The following ZNF738 variants were observed in gnomAD, a reference collection of about 807,000 sequenced individuals.
ZNF738 encodes the protein zinc finger protein 738.
A neutral mutation model predicts 9.2 loss-of-function variants in ZNF738; 10 were observed. The ratio of observed to expected loss-of-function variants is 1.09; its 90% CI spans 0.67 to 1.85. The LOEUF (loss-of-function observed/expected upper bound fraction) is 1.85. Among genes scored for constraint, ZNF738 ranks in the 40% most tolerant of loss-of-function variants. ZNF738 has a pLI of 0.00. For synonymous variants in ZNF738, 113 were observed against 94.5 expected (o/e 1.20, Z -1.14); for missense variants, 346 against 283.6 (o/e 1.22, Z -1.58).
At chr19:21,381,231 A>C in intron 4 of ZNF738, 1 of 1,557,244 alleles carries the variant, frequency 6.4e-7, no homozygotes, top group South Asian at 1.2e-5. Context: ...CAAATATTAA[A>C]GCTTTCTCTA....
chr19:21,363,160 T>G (rs766857941), intron 2 of ZNF738, among the ~76,000 whole-genome samples: 1 of 152,240 alleles, frequency 6.6e-6, no homozygotes, highest in Non-Finnish European at 1.5e-5. Flanking sequence ...ATAGAAATAC[T>G]TTTGCTTTTC....
intron 4 of ZNF738, chr19:21,377,316 A>G: frequency 1.8e-6 from 1 of 559,214 alleles, no homozygotes; most frequent in Non-Finnish European, 3.2e-6. Flanking sequence ...AAAAAAAAAA[A>G]AAATTGTATT....
At position 21,385,646 on chromosome 19, in the gene ZNF738, C is replaced by G. The variant is rs1342522103; in HGVS notation, c.*1972C>G. On this transcript the variant is annotated 3_prime_UTR_variant, in exon 5 of 5. Transcript: ENST00000683779. ...GCTTTTAACTGGTACTCATGCCTTA[C>G]TGCACATAAGATAATTCATACTGGA... 6.6e-6 allele frequency among the ~76,000 whole-genome samples: 1 copy of G among 152,130 alleles called. No homozygotes were observed. The highest frequency in any genetic ancestry group is 2.4e-5 in the African/African-American group (1 of 41,412).
chr19:21,380,871 G>T (rs192956515), intron 4 of ZNF738, among the ~76,000 whole-genome samples: 1 of 152,136 alleles, frequency 6.6e-6, no homozygotes. Context: ...TGCTGAGGGG[G>T]ATGCATGTTC....
At chr19:21,373,443 T>G (rs562711212) in intron 2 of ZNF738, among the ~76,000 whole-genome samples, 4 of 152,318 alleles carry the variant, frequency 2.6e-5, no homozygotes, top group African/African-American at 9.6e-5. Context: ...CTGTTTGGTT[T>G]TGATAGGGAG....
rs1280936088 is a variant in ZNF738 at position 21,361,864 on chromosome 19, C to A, written c.96+6C>A. 1 of 774,526 alleles carries A rather than the reference C, an allele frequency of 1.3e-6. No individual in the cohort carries two copies. The highest frequency in any genetic ancestry group is 1.7e-5 in the Admixed American group (1 of 57,334). The allele number at this position is 774,526 out of a possible 1,614,324, so 48.0% of individuals were successfully genotyped here. ...AGTACTCTTATTTTGAAAAGGTAAC[C>A]CCTTGATATGTTAAAATTGTCTTTG... is the stretch of plus-strand genomic sequence containing the variant. On this transcript the variant is annotated splice_donor_region_variant and intron_variant, in intron 2 of 4. Coordinates refer to ENST00000683779, the MANE Select transcript of ZNF738 (RefSeq NM_001355237.2).
At chr19:21,382,587 G>A (rs762787531) in intron 4 of ZNF738, among the ~76,000 whole-genome samples, 15 of 152,140 alleles carry the variant, frequency 9.9e-5, no homozygotes, top group African/African-American at 3.4e-4. Flanking sequence ...GAACAGCTGT[G>A]TTGGGTAAGT....
intron 3 of ZNF738, 39 bp from the exon 4 acceptor site, chr19:21,375,830 T>C: frequency 1.3e-6 from 1 of 764,638 alleles, no homozygotes; most frequent in South Asian, 1.4e-5. Flanking sequence ...AATTAGAGAA[T>C]ATGAGCAAGA....
At position 21,385,470 on chromosome 19, in the gene ZNF738, A is replaced by C. The variant is rs1216928779; in HGVS notation, c.*1796A>C. On this transcript the variant is annotated 3_prime_UTR_variant, in exon 5 of 5. Transcript: ENST00000683779. Reference sequence around the variant, plus strand: ...GACTCTATCTCCAAAAAAATAAATAAATAAATAAAAAAAATAAGAGAGTTC... The same window carrying C: ...GACTCTATCTCCAAAAAAATAAATACATAAATAAAAAAAATAAGAGAGTTC... Among the ~76,000 whole-genome samples the C allele has an allele frequency of 6.6e-6, 1 of 151,804 alleles. No homozygotes were observed. Among genetic ancestry groups the C allele is most frequent in the Non-Finnish European group, 1.5e-5 (1 of 67,914 alleles).
chr19:21,376,519 G>A (rs1452894823), intron 4 of ZNF738: 1 of 152,270 alleles, frequency 6.6e-6, no homozygotes, highest in Non-Finnish European at 1.5e-5. Context: ...AGATTGCTTT[G>A]GCTATTCAAA....
At chr19:21,361,658 C>T in intron 1 of ZNF738, 108 bp from the exon 2 acceptor site, 2 of 701,760 alleles carry the variant, frequency 2.8e-6, no homozygotes, top group Non-Finnish European at 5.3e-6. Flanking sequence ...TAGTTTTTTC[C>T]CGGTCCTGGG....
chr19:21,375,838 A>G (rs1200325944), intron 3 of ZNF738, 31 bp from the exon 4 acceptor site: 3 of 771,588 alleles, frequency 3.9e-6, no homozygotes, highest in South Asian at 2.7e-5. Flanking sequence ...AATATGAGCA[A>G]GATTCATGTT....
In ZNF738 at chr19:21,383,652, A is replaced by G; in HGVS notation, c.1106A>G (p.Glu369Gly). ...AGACATAAGATAATTCATACTGGAGAGAAACCCTACAAATGTGAATAATGT... is the reference window on the plus strand; with the variant it reads ...AGACATAAGATAATTCATACTGGAGGGAAACCCTACAAATGTGAATAATGT... ...LTRHKIIHTG[E>G]KPYKCE The change falls in exon 5 of 5, where the codon GAG (glutamate) becomes GGG (glycine). Residue 369 changes from glutamate to glycine, a missense_variant. Transcript: ENST00000683779. 1.0e-6 allele frequency: 1 copy of G among 974,090 alleles called. No individual in the cohort carries two copies. Among genetic ancestry groups the G allele is most frequent in the Non-Finnish European group, 1.6e-6 (1 of 612,866 alleles). The allele number at this position is 974,090 out of a possible 1,614,324, so 60.3% of individuals were successfully genotyped here.
At chr19:21,373,234 A>C (rs1044019184) in intron 2 of ZNF738, among the ~76,000 whole-genome samples, 38 of 152,348 alleles carry the variant, frequency 2.5e-4, no homozygotes, top group African/African-American at 8.9e-4. Context: ...TTAGCATTAC[A>C]TGGCCAATTT....
chr19:21,377,551 C>A, intron 4 of ZNF738: 1 of 538,976 alleles, frequency 1.9e-6, no homozygotes, highest in South Asian at 2.5e-5. Context: ...GTCATAGGTT[C>A]CCAGTTAATA....
At chr19:21,370,179 G>C (rs545549321) in intron 2 of ZNF738, among the ~76,000 whole-genome samples, 1 of 152,290 alleles carries the variant, frequency 6.6e-6, no homozygotes, top group East Asian at 1.9e-4. Flanking sequence ...GTGTTTACAT[G>C]ATGAGTAACA....
In ZNF738 at chr19:21,385,483, A is replaced by C. The variant is rs1286165236; in HGVS notation, c.*1809A>C. ...AAAAAATAAATAAATAAATAAAAAA[A>C]ATAAGAGAGTTCATACTAGAGAGAA... On this transcript the variant is annotated 3_prime_UTR_variant, in exon 5 of 5. Coordinates refer to ENST00000683779, the MANE Select transcript of ZNF738 (RefSeq NM_001355237.2). Among the ~76,000 whole-genome samples the C allele has an allele frequency of 6.6e-6, 1 of 150,698 alleles. No individual in the cohort carries two copies. Among genetic ancestry groups the C allele is most frequent in the Non-Finnish European group, 1.5e-5 (1 of 67,678 alleles).
chr19:21,362,627 G>A (rs182429587), intron 2 of ZNF738, among the ~76,000 whole-genome samples: 1 of 152,152 alleles, frequency 6.6e-6, no homozygotes, highest in South Asian at 2.1e-4. Flanking sequence ...TTTTTTAGCT[G>A]TAAGGTTACA....
chr19:21,377,482 A>C (rs1207845446), intron 4 of ZNF738: 2 of 701,060 alleles, frequency 2.9e-6, no homozygotes, highest in Non-Finnish European at 5.2e-6. Flanking sequence ...TTGGAACCTT[A>C]GTGTGACATA....
Sources: allele counts gnomAD v4.1 joint callset (sites outside exome capture counted in the v4.1 genomes callset), GRCh38; gene constraint gnomAD v4.1.1; transcripts MANE v1.5; gene names NCBI Gene and HGNC (gene_info 2026-07-23, HGNC 2026-07-21).